Variants in SATB2 observed in about 807,000 individuals in gnomAD.
SATB2 encodes the protein DNA-binding protein SATB2.
A neutral mutation model predicts 73.4 loss-of-function variants in SATB2; 1 was observed. The ratio of observed to expected loss-of-function variants is 0.01; its 90% CI spans 0.00 to 0.06. The LOEUF (loss-of-function observed/expected upper bound fraction) is 0.06, where lower values mean the gene tolerates loss of function less well. Among genes scored for constraint, SATB2 ranks in the 10% least tolerant of loss-of-function variants. SATB2 has a pLI of 1.00. For synonymous variants in SATB2, 397 were observed against 367.0 expected, an observed-to-expected ratio of 1.08 and a Z score of -0.93; for missense variants, 459 against 945.8, an observed-to-expected ratio of 0.49 and a Z score of 6.75.
intron 2 of SATB2, among the ~76,000 whole-genome samples, chr2:199,445,787 A>G (rs989498557): frequency 6.6e-6 from 1 of 152,134 alleles, no homozygotes; most frequent in African/African-American, 2.4e-5. Flanking sequence ...TTCTAATACC[A>G]CATTTCCCAA....
intron 8 of SATB2, among the ~76,000 whole-genome samples, chr2:199,327,484 G>C (rs1688062143): frequency 6.6e-6 from 1 of 152,096 alleles, no homozygotes; most frequent in South Asian, 2.1e-4. Context: ...TACTGGTTTT[G>C]AGAATTAGCA....
At chr2:199,316,997 G>A (rs769151398) in intron 9 of SATB2, among the ~76,000 whole-genome samples, 3 of 148,416 alleles carry the variant, frequency 2.0e-5, no homozygotes, top group Non-Finnish European at 3.0e-5. Context: ...TACCTGTGAC[G>A]TATCACTGTA....
chr2:199,360,210 G>A (rs1011064199), intron 6 of SATB2, among the ~76,000 whole-genome samples: 2 of 152,154 alleles, frequency 1.3e-5, no homozygotes, highest in Non-Finnish European at 2.9e-5. Context: ...ACAATCATCA[G>A]ATTTTAAATA....
rs1434692209 is a variant in SATB2 at position 199,284,329 on chromosome 2, A to G, written c.1741-11657T>C. On this transcript the variant is annotated intron_variant, in intron 10 of 10. Coordinates refer to ENST00000417098, the MANE Select transcript of SATB2 (RefSeq NM_001172509.2). ...GCATGCATGATGTTATAAAGTTATG[A>G]ATAGGTAAAAGAAAAAGTATGAAAA... 7.9e-5 allele frequency among the ~76,000 whole-genome samples: 12 copies of G among 152,350 alleles called. No individual in the cohort carries two copies. The East Asian group carries it at 2.3e-3, about 29-fold the overall frequency.
chr2:199,409,649 AGTTTTTTTT>A (rs777213052), intron 3 of SATB2, among the ~76,000 whole-genome samples: 6,069 of 91,136 alleles, frequency 0.067, 161 homozygotes, highest in Middle Eastern at 0.12. Context: ...AACCAAGACA[AGTTTTTTTT>A]GTTTTTTTTT....
At chr2:199,435,280 C>T (rs189596107) in intron 2 of SATB2, among the ~76,000 whole-genome samples, 110 of 151,958 alleles carry the variant, frequency 7.2e-4, no homozygotes, top group Admixed American at 1.1e-3. Context: ...ATATGAAATG[C>T]TTATTTATTT....
chr2:199,326,937 A>C (rs1688044554), intron 8 of SATB2, among the ~76,000 whole-genome samples: 1 of 152,214 alleles, frequency 6.6e-6, no homozygotes, highest in South Asian at 2.1e-4. Flanking sequence ...TTAAAAGTTT[A>C]TTGCAGAGTA....
upstream of SATB2, among the ~76,000 whole-genome samples, chr2:199,468,688 G>T (rs1692643096): frequency 1.3e-5 from 2 of 152,200 alleles, no homozygotes; most frequent in Non-Finnish European, 2.9e-5. Context: ...CGTTAAATGG[G>T]CTGTTGGCAG....
chr2:199,386,558 T>G (rs1689939018), intron 3 of SATB2, among the ~76,000 whole-genome samples: 1 of 152,120 alleles, frequency 6.6e-6, no homozygotes, highest in African/African-American at 2.4e-5. Context: ...ACTAGAGAAA[T>G]GTCAATAATG....
At chr2:199,368,495 T>TA (rs921539857) in intron 6 of SATB2, 110 bp downstream of exon 6, 73 of 723,762 alleles carry the variant, frequency 1.0e-4, no homozygotes, top group Admixed American at 1.7e-4. Flanking sequence ...CTCACCTTTG[T>TA]AAAAAAATTA....
At chr2:199,316,003 C>A (rs1285997950) in intron 9 of SATB2, among the ~76,000 whole-genome samples, 1 of 152,056 alleles carries the variant, frequency 6.6e-6, no homozygotes, top group African/African-American at 2.4e-5. Flanking sequence ...ATTTACTCAC[C>A]CACATCTTCA....
intron 10 of SATB2, among the ~76,000 whole-genome samples, chr2:199,300,152 G>C (rs1359849731): frequency 2.0e-5 from 3 of 150,360 alleles, no homozygotes; most frequent in Non-Finnish European, 4.4e-5. Flanking sequence ...TTATTTTTAA[G>C]TAAGTAAAAG....
intron 8 of SATB2, among the ~76,000 whole-genome samples, chr2:199,324,260 T>C (rs1175754444): frequency 1.3e-5 from 2 of 151,888 alleles, no homozygotes; most frequent in Non-Finnish European, 2.9e-5. Flanking sequence ...AAAACAAACA[T>C]GCAGAACACA....
chr2:199,310,949 C>G (rs74633166), intron 9 of SATB2, among the ~76,000 whole-genome samples: 1 of 152,318 alleles, frequency 6.6e-6, no homozygotes, highest in South Asian at 2.1e-4. Context: ...GATTTATATG[C>G]GCTGTTATAA....
At chr2:199,341,885 G>C (rs959892927) in intron 7 of SATB2, among the ~76,000 whole-genome samples, 2 of 152,280 alleles carry the variant, frequency 1.3e-5, no homozygotes, top group East Asian at 3.9e-4. Flanking sequence ...ACTGCTGAGG[G>C]AGTGTGAGAA....
chr2:199,346,520 A>T (rs1343399768), intron 7 of SATB2, among the ~76,000 whole-genome samples: 1 of 152,244 alleles, frequency 6.6e-6, no homozygotes, highest in Non-Finnish European at 1.5e-5. Context: ...AATCGCCTAC[A>T]TAATAGAAAT....
At chr2:199,422,284 T>C (rs1254018111) in intron 3 of SATB2, among the ~76,000 whole-genome samples, 2 of 151,456 alleles carry the variant, frequency 1.3e-5, no homozygotes, top group Non-Finnish European at 3.0e-5. Context: ...TTTTGTCTTC[T>C]ACTTTTAAAA....
At chr2:199,441,652 A>T (rs1401031316) in intron 2 of SATB2, among the ~76,000 whole-genome samples, 11 of 152,190 alleles carry the variant, frequency 7.2e-5, no homozygotes, top group Non-Finnish European at 1.3e-4. Context: ...GTCCTCGCTC[A>T]CTGACCACCC....
At chr2:199,311,601 A>G (rs1158848996) in intron 9 of SATB2, among the ~76,000 whole-genome samples, 4 of 152,090 alleles carry the variant, frequency 2.6e-5, no homozygotes, top group African/African-American at 9.7e-5. Context: ...ATTCCCTCCT[A>G]CGGGCGCTCC....
Sources: gnomAD v4.1 joint callset for allele counts (sites outside exome capture counted in the v4.1 genomes callset) on GRCh38, gnomAD v4.1.1 for gene constraint, MANE v1.5 for transcripts, NCBI Gene and HGNC (gene_info 2026-07-23, HGNC 2026-07-21) for gene names.